Variants in PCDH15 observed in about 807,000 individuals in gnomAD.
PCDH15 encodes the protein protocadherin-15.
In PCDH15, 129 loss-of-function variants were observed where a neutral mutation model predicts 178.5. The observed-to-expected ratio is 0.72, with a 90% CI of 0.63 to 0.84. PCDH15 has a LOEUF of 0.84. Among genes scored for constraint, PCDH15 ranks in the 40% least tolerant of loss-of-function variants. The pLI is 0.00. For missense variants in PCDH15, 2,230 were observed against 2,099.9 expected (o/e 1.06, Z -1.21); for synonymous variants, 800 against 732.0 (o/e 1.09, Z -1.50).
chr10:54,726,421 T>TGTGTGTGG (rs1942515790), intron 1 of PCDH15, among the ~76,000 whole-genome samples: 1 of 6,226 alleles, frequency 1.6e-4, no homozygotes, highest in African/African-American at 4.9e-4. Flanking sequence ...CCATCAGGGG[T>TGTGTGTGG]GTGTGTGTGT....
chr10:55,239,049 C>A (rs975807756), intron 1 of PCDH15, among the ~76,000 whole-genome samples: 1 of 152,072 alleles, frequency 6.6e-6, no homozygotes, highest in Non-Finnish European at 1.5e-5. Context: ...TCTTTATATC[C>A]ATGATTTTTA....
rs71492626 is a variant in PCDH15 at position 54,628,416 on chromosome 10, T to G, written c.91+35756A>C. ...AGTGACTTTTCCTCTCACTTTATTG[T>G]CTCTAAAATCACAGAAACCCTGTTT... is the stretch of plus-strand genomic sequence containing the variant. On this transcript the variant is annotated intron_variant, in intron 2 of 37. Transcript: ENST00000644397. Among the ~76,000 whole-genome samples, 728 of 152,346 alleles carry G rather than the reference T, an allele frequency of 4.8e-3. 2 individuals are homozygous for G. The highest frequency in any genetic ancestry group is 8.1e-3 in the Non-Finnish European group (551 of 68,032).
At chr10:53,858,606 T>C (rs908109156) in intron 27 of PCDH15, among the ~76,000 whole-genome samples, 3 of 152,182 alleles carry the variant, frequency 2.0e-5, no homozygotes, top group Admixed American at 2.0e-4. Flanking sequence ...TGTGTGAGCA[T>C]GATCAATCAT....
chr10:54,356,185 T>C (rs1426930296), intron 5 of PCDH15, among the ~76,000 whole-genome samples: 2 of 152,110 alleles, frequency 1.3e-5, no homozygotes, highest in African/African-American at 4.8e-5. Context: ...ACATTGTGTG[T>C]CTTTTGTGTT....
At position 55,519,108 on chromosome 10, in the gene PCDH15, A is replaced by C. The variant is rs953003438; in HGVS notation, c.-156+108517T>G. Among the ~76,000 whole-genome samples the C allele has an allele frequency of 1.3e-4, 19 of 150,832 alleles. 1 individual carries two copies. The highest frequency in any genetic ancestry group is 2.5e-4 in the Non-Finnish European group (17 of 67,642). ...GATTTCGTCTCAAAAAAAAAAAAAA[A>C]AAAAAAAAACAAACTCTTAGTCTGT... On this transcript the variant is annotated intron_variant, in intron 2 of 5. Coordinates refer to the PCDH15 transcript ENST00000613346.
At chr10:54,984,439 C>A (rs1208513935) in intron 2 of PCDH15, among the ~76,000 whole-genome samples, 1 of 152,200 alleles carries the variant, frequency 6.6e-6, no homozygotes, top group Admixed American at 6.5e-5. Context: ...AGAATCTGAA[C>A]AGACAGGCCT....
chr10:55,442,465 A>AT (rs1261337038), intron 2 of PCDH15, among the ~76,000 whole-genome samples: 16 of 50,952 alleles, frequency 3.1e-4, no homozygotes, highest in African/African-American at 1.3e-3. Flanking sequence ...TTATATATAT[A>AT]TATATTATAT....
intron 10 of PCDH15, among the ~76,000 whole-genome samples, chr10:54,198,492 A>AT (rs1423646160): frequency 2.4e-5 from 1 of 40,856 alleles, no homozygotes; most frequent in Non-Finnish European, 3.8e-5. Flanking sequence ...ATATCTAATT[A>AT]TTCTTTTTTT....
In PCDH15 at chr10:55,401,136, G is replaced by A. The variant is rs73257707; in HGVS notation, c.-156+226489C>T. On this transcript the variant is annotated intron_variant, in intron 2 of 5. Transcript: ENST00000613346. The stretch of plus-strand genomic sequence containing the variant: ...GTTTCTATGGTAAAATGCATTCCAA[G>A]TTCCAAACAATTGATTCACAAACTA... Among the ~76,000 whole-genome samples the A allele has an allele frequency of 5.4e-3, 814 of 152,120 alleles. 9 individuals are homozygous for A. Among genetic ancestry groups the A allele is most frequent in the African/African-American group, 0.018 (765 of 41,526 alleles).
At chr10:55,394,789 T>A (rs183937511) in intron 2 of PCDH15, among the ~76,000 whole-genome samples, 143 of 152,196 alleles carry the variant, frequency 9.4e-4, no homozygotes, top group Admixed American at 1.9e-3. Context: ...TGTGTTTGGA[T>A]ATATTATAAA....
intron 3 of PCDH15, among the ~76,000 whole-genome samples, chr10:54,399,918 G>A (rs1341240911): frequency 1.3e-5 from 2 of 152,114 alleles, no homozygotes; most frequent in African/African-American, 4.8e-5. Context: ...GACCTAGAGA[G>A]TACAGCAATG....
chr10:54,307,208 T>C (rs1745335276), intron 8 of PCDH15, among the ~76,000 whole-genome samples: 1 of 140,144 alleles, frequency 7.1e-6, no homozygotes, highest in African/African-American at 2.6e-5. Flanking sequence ...TTAATAATGG[T>C]TATCCTGGGG....
At chr10:54,530,955 A>T (rs2083848511) in intron 2 of PCDH15, among the ~76,000 whole-genome samples, 1 of 152,228 alleles carries the variant, frequency 6.6e-6, no homozygotes, top group Admixed American at 6.5e-5. Context: ...AAGCATTTTT[A>T]ATAAGAACAA....
At chr10:55,511,431 A>G (rs1840883963) in intron 2 of PCDH15, among the ~76,000 whole-genome samples, 2 of 151,996 alleles carry the variant, frequency 1.3e-5, no homozygotes, top group South Asian at 2.1e-4. Flanking sequence ...TCTTAATTCT[A>G]TTTCCAAAAG....
chr10:53,850,365 T>C (rs1409540509), intron 28 of PCDH15, among the ~76,000 whole-genome samples: 1 of 152,164 alleles, frequency 6.6e-6, no homozygotes, highest in African/African-American at 2.4e-5. Flanking sequence ...TTGGGGTATC[T>C]TCAGTTCTGT....
intron 21 of PCDH15, among the ~76,000 whole-genome samples, chr10:53,968,193 C>T (rs1018205513): frequency 5.9e-5 from 9 of 152,178 alleles, no homozygotes; most frequent in Non-Finnish European, 1.3e-4. Flanking sequence ...AACGGCCCAC[C>T]AGGAGATTAT....
intron 18 of PCDH15, among the ~76,000 whole-genome samples, chr10:54,053,252 T>C (rs1170795718): frequency 1.3e-5 from 2 of 152,242 alleles, no homozygotes; most frequent in Admixed American, 6.5e-5. Context: ...TATGTTTAGA[T>C]GCTGACATAT....
chr10:55,196,100 T>C (rs1288630489), intron 1 of PCDH15, among the ~76,000 whole-genome samples: 1 of 152,150 alleles, frequency 6.6e-6, no homozygotes, highest in Non-Finnish European at 1.5e-5. Flanking sequence ...AGTTTGTATC[T>C]CATTCTGAAG....
intron 1 of PCDH15, among the ~76,000 whole-genome samples, chr10:54,755,461 G>A (rs907977746): frequency 3.3e-5 from 5 of 152,018 alleles, no homozygotes; most frequent in Non-Finnish European, 5.9e-5. Flanking sequence ...ATGCTTAAGG[G>A]TGCAGCTCTA....
Sources: gnomAD v4.1 joint callset for allele counts (sites outside exome capture counted in the v4.1 genomes callset) on GRCh38, gnomAD v4.1.1 for gene constraint, MANE v1.5 for transcripts, NCBI Gene and HGNC (gene_info 2026-07-23, HGNC 2026-07-21) for gene names.